Variants in MYRFL observed in about 807,000 individuals in gnomAD.
MYRFL encodes myelin regulatory factor like, also known as myelin regulatory factor-like protein.
Under a neutral mutation model 109.4 loss-of-function variants are expected in MYRFL, and 88 were observed. The observed-to-expected ratio is 0.80, with a 90% CI of 0.68 to 0.96. The LOEUF (loss-of-function observed/expected upper bound fraction) is 0.96. Among genes scored for constraint, MYRFL ranks in the 40% least tolerant of loss-of-function variants. The pLI is 0.00. For missense variants in MYRFL, 957 were observed against 954.9 expected, an observed-to-expected ratio of 1.00 and a Z score of -0.03; for synonymous variants, 324 against 320.9, an observed-to-expected ratio of 1.01 and a Z score of -0.10.
intron 10 of MYRFL, among the ~76,000 whole-genome samples, chr12:69,900,996 T>A (rs570397390): frequency 6.6e-6 from 1 of 152,288 alleles, no homozygotes; most frequent in Non-Finnish European, 1.5e-5. Context: ...CATGCACACA[T>A]GATTTCACTT....
At chr12:69,837,073 CA>C (rs571765228) in intron 1 of MYRFL, among the ~76,000 whole-genome samples, 251 of 152,244 alleles carry the variant, frequency 1.6e-3, no homozygotes, top group African/African-American at 5.5e-3. Flanking sequence ...AACAAATTGA[CA>C]GATATGCCTA....
chr12:69,886,934 C>G lies in MYRFL; in HGVS notation c.671C>G (p.Pro224Arg). ...ALKWQPCHSV[P>R]WHSLLNSHYE... Reference sequence around the variant, plus strand: ...AAGTGGCAACCATGCCATAGTGTTCCTTGGCACAGCTTATTAAACAGTCAT... The same window carrying G: ...AAGTGGCAACCATGCCATAGTGTTCGTTGGCACAGCTTATTAAACAGTCAT... Residue 224 changes from proline to arginine, a missense_variant, in exon 6 of 25, where the codon CCT becomes CGT. Coordinates refer to ENST00000552032, the MANE Select transcript of MYRFL (RefSeq NM_182530.3). The G allele has an allele frequency of 1.3e-6, 2 of 1,535,832 alleles. No homozygotes were observed. Among genetic ancestry groups the G allele is most frequent in the Non-Finnish European group, 1.7e-6 (2 of 1,146,696 alleles).
chr12:69,857,643 GT>G lies in MYRFL; in HGVS notation c.137+2281del, dbSNP rs546851172. Among the ~76,000 whole-genome samples the G allele has an allele frequency of 3.5e-3, 518 of 150,082 alleles. 2 individuals are homozygous for G. The highest frequency in any genetic ancestry group is 6.0e-3 in the Non-Finnish European group (403 of 67,214). On this transcript the variant is annotated intron_variant, in intron 2 of 24. Coordinates refer to ENST00000552032, the MANE Select transcript of MYRFL (RefSeq NM_182530.3). ...TTCATGTTCTTCTTTGAACATCATG[GT>G]TTTTTTTCAATTTTTAGTTCCAATT... is the stretch of plus-strand genomic sequence containing the variant.
chr12:69,957,485 G>C (rs1956121889), intron 22 of MYRFL, among the ~76,000 whole-genome samples: 1 of 152,130 alleles, frequency 6.6e-6, no homozygotes, highest in African/African-American at 2.4e-5. Flanking sequence ...CAGCACTTTG[G>C]GTGGCCGAGG....
At chr12:69,922,087 C>T (rs563448974) in intron 13 of MYRFL, among the ~76,000 whole-genome samples, 45 of 151,768 alleles carry the variant, frequency 3.0e-4, no homozygotes, top group Non-Finnish European at 5.9e-4. Context: ...TTTAGGATGC[C>T]GAACTGACAG....
chr12:69,846,531 AT>A lies in MYRFL; in HGVS notation c.47-8742del, dbSNP rs1348764509. 7.8e-4 allele frequency among the ~76,000 whole-genome samples: 118 copies of A among 152,026 alleles called. 2 individuals carry two copies. The highest frequency in any genetic ancestry group is 5.6e-3 in the South Asian group (27 of 4,800). The stretch of plus-strand genomic sequence containing the variant: ...TCCCTACAAAGGACATGAACTCATC[AT>A]TTTTTTATGGCTGCATAGTATTCCA... On this transcript the variant is annotated intron_variant, in intron 1 of 24. Transcript: ENST00000552032.
chr12:69,948,814 C>G (rs1291632379), intron 19 of MYRFL, among the ~76,000 whole-genome samples: 1 of 152,216 alleles, frequency 6.6e-6, no homozygotes, highest in Non-Finnish European at 1.5e-5. Flanking sequence ...CCTTCCAGTT[C>G]TGTCTTGCTT....
intron 13 of MYRFL, among the ~76,000 whole-genome samples, chr12:69,920,954 T>G (rs537024447): frequency 2.6e-5 from 4 of 152,212 alleles, no homozygotes; most frequent in Non-Finnish European, 5.9e-5. Context: ...TTAGGTTATT[T>G]GAAGCAGTTG....
intron 19 of MYRFL, among the ~76,000 whole-genome samples, chr12:69,947,657 G>A (rs867696615): frequency 1.3e-5 from 2 of 152,096 alleles, no homozygotes; most frequent in South Asian, 4.1e-4. Flanking sequence ...TATTAGAGTT[G>A]GTGAAGATTT....
chr12:69,843,080 C>G lies in MYRFL; in HGVS notation c.47-12200C>G, dbSNP rs118071357. On this transcript the variant is annotated intron_variant, in intron 1 of 24. Coordinates refer to ENST00000552032, the MANE Select transcript of MYRFL (RefSeq NM_182530.3). Reference sequence around the variant, plus strand: ...GACTGGTTGTGTCTCTACACACCAACATTAGATTTTAGATCCAGTACTACA... The same window carrying G: ...GACTGGTTGTGTCTCTACACACCAAGATTAGATTTTAGATCCAGTACTACA... 1.8e-3 allele frequency among the ~76,000 whole-genome samples: 280 copies of G among 152,352 alleles called. 1 individual carries two copies. The highest frequency in any genetic ancestry group is 3.1e-3 in the Non-Finnish European group (212 of 68,040).
At chr12:69,937,089 C>T (rs1955492484) in intron 19 of MYRFL, among the ~76,000 whole-genome samples, 1 of 152,040 alleles carries the variant, frequency 6.6e-6, no homozygotes, top group Non-Finnish European at 1.5e-5. Context: ...GACTGGCATT[C>T]CACTTTCAGA....
In MYRFL at chr12:69,900,122, T is replaced by C. The variant is rs1415186835; in HGVS notation, c.1182+2876T>C. Among the ~76,000 whole-genome samples, 5 of 152,190 alleles carry C rather than the reference T, an allele frequency of 3.3e-5. No individual in the cohort carries two copies. In the South Asian group the frequency reaches 6.2e-4, roughly 19 times the overall value. ...ACCAATAGATTATTCCAGTTTCTTT[T>C]CCAGAAGAATAGAAATGGTCATGTC... On this transcript the variant is annotated intron_variant, in intron 10 of 24. Transcript: ENST00000552032.
Position 69,825,459 on chromosome 12 carries a change from A to G in MYRFL, c.-59A>G. The G allele has an allele frequency of 1.4e-6, 1 of 696,526 alleles. No homozygotes were observed. Among genetic ancestry groups the G allele is most frequent in the South Asian group, 1.5e-5 (1 of 66,320 alleles). 43.1% of individuals were successfully genotyped at this position (696,526 alleles called of 1,614,324 possible). On this transcript the variant is annotated 5_prime_UTR_variant, in exon 1 of 25. Coordinates refer to ENST00000552032, the MANE Select transcript of MYRFL (RefSeq NM_182530.3). ...GCTTCGAATCAAAAGGACAGTACTTATTTCCTGAGGTCTGATAACCGTTGT... is the reference window on the plus strand; with the variant it reads ...GCTTCGAATCAAAAGGACAGTACTTGTTTCCTGAGGTCTGATAACCGTTGT...
At chr12:69,947,897 G>A (rs1955880717) in intron 19 of MYRFL, among the ~76,000 whole-genome samples, 2 of 152,146 alleles carry the variant, frequency 1.3e-5, no homozygotes, top group South Asian at 2.1e-4. Context: ...TACAAGTAGT[G>A]CAATATACAC....
At chr12:69,865,958 G>A (rs532472047) in intron 2 of MYRFL, among the ~76,000 whole-genome samples, 10 of 152,158 alleles carry the variant, frequency 6.6e-5, no homozygotes, top group South Asian at 2.1e-4. Context: ...AATATATCTC[G>A]TTCTCTTAAC....
At chr12:69,917,786 C>A (rs535383432) in intron 13 of MYRFL, among the ~76,000 whole-genome samples, 8 of 151,854 alleles carry the variant, frequency 5.3e-5, no homozygotes, top group Non-Finnish European at 1.0e-4. Flanking sequence ...GTTTTTAAAT[C>A]TCCATGAAAG....
chr12:69,830,596 GGAACAAGAACATGCCAAAGACAGGAA>G (rs1882573209), intron 1 of MYRFL, among the ~76,000 whole-genome samples: 1 of 151,776 alleles, frequency 6.6e-6, no homozygotes, highest in Admixed American at 6.6e-5. Flanking sequence ...CAGGAGACTG[GGAACAAGAACATGCCAAAGACAGGAA>G]GAACCAGCCA....
chr12:69,862,729 A>C (rs1403001675), intron 2 of MYRFL, among the ~76,000 whole-genome samples: 3 of 152,114 alleles, frequency 2.0e-5, no homozygotes, highest in Non-Finnish European at 4.4e-5. Context: ...TTCCTAATTG[A>C]ATACCCTTTA....
chr12:69,857,783 A>G (rs917474620), intron 2 of MYRFL, among the ~76,000 whole-genome samples: 1 of 151,678 alleles, frequency 6.6e-6, no homozygotes, highest in Non-Finnish European at 1.5e-5. Flanking sequence ...GGGATATTCT[A>G]TGTTGAAGGT....
Sources: allele counts gnomAD v4.1 joint callset (sites outside exome capture counted in the v4.1 genomes callset), GRCh38; gene constraint gnomAD v4.1.1; transcripts MANE v1.5; gene names NCBI Gene and HGNC (gene_info 2026-07-23, HGNC 2026-07-21).